The following RAMP1 variants were observed in gnomAD, a reference collection of about 807,000 sequenced individuals.
RAMP1 encodes receptor activity-modifying protein 1.
RAMP1 carries 7 observed loss-of-function variants against 8.2 expected under a neutral mutation model. The ratio of observed to expected loss-of-function variants is 0.85; its 90% CI spans 0.49 to 1.60. The LOEUF (loss-of-function observed/expected upper bound fraction) is 1.60. Ranked by LOEUF, RAMP1 falls within the 40% of genes most tolerant of loss-of-function variation. The pLI is 0.00. For synonymous variants in RAMP1, 92 were observed against 84.7 expected, an observed-to-expected ratio of 1.09 and a Z score of -0.47; for missense variants, 192 against 202.4, an observed-to-expected ratio of 0.95 and a Z score of 0.31.
rs199596807 is a variant in RAMP1, at chr2:237,897,777, T to G, written c.192-13751T>G. Among the ~76,000 whole-genome samples, 144 of 140,868 alleles carry G rather than the reference T, an allele frequency of 1.0e-3. 1 individual carries two copies. The highest frequency in any genetic ancestry group is 1.2e-3 in the Non-Finnish European group (80 of 64,122). 92.4% of individuals were successfully genotyped at this position (140,868 alleles called of 152,430 possible). ...TCTTTTTTTGTTTGTTTTGGTTTTTTGGGGGGGGGTTTTGTTTTTTGTTTG... is the reference window on the plus strand; with the variant it reads ...TCTTTTTTTGTTTGTTTTGGTTTTTGGGGGGGGGGTTTTGTTTTTTGTTTG... On this transcript the variant is annotated intron_variant, in intron 2 of 2. Coordinates refer to ENST00000254661, the MANE Select transcript of RAMP1 (RefSeq NM_005855.4).
chr2:237,902,342 G>A (rs2062608795), intron 2 of RAMP1, among the ~76,000 whole-genome samples: 2 of 148,794 alleles, frequency 1.3e-5, no homozygotes, highest in African/African-American at 4.9e-5. Context: ...GGGGGTGGAG[G>A]AGGGGCTGGG....
intron 2 of RAMP1, among the ~76,000 whole-genome samples, chr2:237,890,023 T>C (rs2062473530): frequency 6.6e-6 from 1 of 152,176 alleles, no homozygotes; most frequent in Non-Finnish European, 1.5e-5. Flanking sequence ...GCCGGCTGCG[T>C]CCCTCCTTCA....
upstream of RAMP1, chr2:237,859,587 G>T (rs2062110989): frequency 1.7e-5 from 17 of 1,000,118 alleles, no homozygotes; most frequent in South Asian, 3.8e-4. Context: ...TCCCGCCCCC[G>T]GCGCGTCTCC....
At chr2:237,908,639 T>C (rs189126643) in intron 2 of RAMP1, among the ~76,000 whole-genome samples, 84 of 152,254 alleles carry the variant, frequency 5.5e-4, no homozygotes, top group Non-Finnish European at 9.3e-4. Context: ...GGTTTCACCA[T>C]CTTGGCCAGG....
intron 1 of RAMP1, among the ~76,000 whole-genome samples, chr2:237,864,230 C>T (rs961098288): frequency 5.3e-5 from 8 of 152,176 alleles, no homozygotes; most frequent in Admixed American, 5.2e-4. Context: ...TCCCGGACCA[C>T]GTATCCCCAC....
rs1401962083 is a variant in RAMP1 at position 237,878,415 on chromosome 2, T to G, written c.191+1053T>G. 6.6e-6 allele frequency among the ~76,000 whole-genome samples: 1 copy of G among 152,250 alleles called. No homozygotes were observed. The highest frequency in any genetic ancestry group is 1.5e-5 in the Non-Finnish European group (1 of 68,046). ...GTCCAGACACACCCGGGCACAATTC[T>G]GTGGGGTTGAAGACCCCTAGTTGGA... On this transcript the variant is annotated intron_variant, in intron 2 of 2. Coordinates refer to ENST00000254661, the MANE Select transcript of RAMP1 (RefSeq NM_005855.4). The surrounding 1 kb of genome is among the most constrained non-coding windows in gnomAD (Gnocchi z 5.7).
chr2:237,879,254 G>T (rs533557873), intron 2 of RAMP1, among the ~76,000 whole-genome samples: 26 of 151,652 alleles, frequency 1.7e-4, no homozygotes, highest in Admixed American at 4.6e-4. Flanking sequence ...TGTGTAGATT[G>T]ATTGTGAACG....
Position 237,878,692 on chromosome 2 carries a change from C to T in RAMP1, c.191+1330C>T, listed in dbSNP as rs968734023. Among the ~76,000 whole-genome samples the T allele has an allele frequency of 3.3e-5, 5 of 152,262 alleles. No homozygotes were observed. Among genetic ancestry groups the T allele is most frequent in the Non-Finnish European group, 7.3e-5 (5 of 68,048 alleles). Reference sequence around the variant, plus strand: ...CCACTTCGTCCACCCCAGGGAACTCCCTCAGGCCCAGAGTCCGTGCTCAGT... The same window carrying T: ...CCACTTCGTCCACCCCAGGGAACTCTCTCAGGCCCAGAGTCCGTGCTCAGT... On this transcript the variant is annotated intron_variant, in intron 2 of 2. Transcript: ENST00000254661. This position sits in a 1 kb window ranked among gnomAD's most constrained non-coding sequence, Gnocchi z 5.7.
intron 2 of RAMP1, among the ~76,000 whole-genome samples, chr2:237,884,298 T>C (rs567641917): frequency 1.3e-5 from 2 of 152,288 alleles, no homozygotes; most frequent in East Asian, 3.9e-4. Flanking sequence ...CTTGGTTTGC[T>C]GATGGAGGCA....
In RAMP1 at chr2:237,911,816, G is replaced by A. The variant is rs2062719494; in HGVS notation, c.*33G>A. ...CCAGGCTGCCCGCGGGTGCACCCAG[G>A]CTGCAGGGTGAGGCCAGGCAGGCCT... is the stretch of plus-strand genomic sequence containing the variant. On this transcript the variant is annotated 3_prime_UTR_variant, in exon 3 of 3. Coordinates refer to ENST00000254661, the MANE Select transcript of RAMP1 (RefSeq NM_005855.4). 4 of 1,561,258 alleles carry A rather than the reference G, an allele frequency of 2.6e-6. No individual in the cohort carries two copies. The highest frequency in any genetic ancestry group is 3.5e-6 in the Non-Finnish European group (4 of 1,151,008).
At chr2:237,886,543 T>C (rs1272656407) in intron 2 of RAMP1, among the ~76,000 whole-genome samples, 2 of 151,792 alleles carry the variant, frequency 1.3e-5, no homozygotes, top group Admixed American at 6.6e-5. Flanking sequence ...AGCCCTCGTG[T>C]TGGGGGAGCT....
chr2:237,871,026 G>C (rs575691667), intron 1 of RAMP1, among the ~76,000 whole-genome samples: 6 of 152,336 alleles, frequency 3.9e-5, no homozygotes, highest in Admixed American at 2.0e-4. Flanking sequence ...GAATCTACTT[G>C]GTGGAGGCTT....
intron 2 of RAMP1, among the ~76,000 whole-genome samples, chr2:237,887,487 C>T (rs1334627415): frequency 6.6e-6 from 1 of 152,202 alleles, no homozygotes; most frequent in African/African-American, 2.4e-5. Context: ...AGCTTCTTGT[C>T]TCAATCAAAA....
chr2:237,884,955 G>A (rs2062412205), intron 2 of RAMP1, among the ~76,000 whole-genome samples: 1 of 152,212 alleles, frequency 6.6e-6, no homozygotes, highest in Non-Finnish European at 1.5e-5. Flanking sequence ...GTAGTTGGGG[G>A]ACGCAAGACA....
intron 2 of RAMP1, among the ~76,000 whole-genome samples, chr2:237,895,646 G>A (rs538210109): frequency 6.6e-5 from 10 of 152,258 alleles, no homozygotes; most frequent in South Asian, 2.1e-4. Flanking sequence ...CTGAAGGCTC[G>A]TGAAGCCCGG....
intron 1 of RAMP1, among the ~76,000 whole-genome samples, chr2:237,867,726 C>A (rs537432927): frequency 6.6e-6 from 1 of 152,174 alleles, no homozygotes; most frequent in Admixed American, 6.5e-5. Context: ...TGCAGCCTTT[C>A]GGCAGTCTCA....
At chr2:237,894,596 G>C (rs947960012) in intron 2 of RAMP1, among the ~76,000 whole-genome samples, 1 of 152,202 alleles carries the variant, frequency 6.6e-6, no homozygotes, top group African/African-American at 2.4e-5. Flanking sequence ...CCTGGCTAGG[G>C]GGTGAGACCC....
At chr2:237,880,046 A>G (rs1254268265) in intron 2 of RAMP1, among the ~76,000 whole-genome samples, 1 of 151,252 alleles carries the variant, frequency 6.6e-6, no homozygotes, top group Non-Finnish European at 1.5e-5. Flanking sequence ...GGAAAAGTCC[A>G]CATCACAACA....
intron 2 of RAMP1, among the ~76,000 whole-genome samples, chr2:237,898,752 C>G (rs955149918): frequency 6.6e-6 from 1 of 152,210 alleles, no homozygotes; most frequent in South Asian, 2.1e-4. Flanking sequence ...GCTTTCACAT[C>G]CCCAGGGCCC....
Sources: allele counts gnomAD v4.1 joint callset (sites outside exome capture counted in the v4.1 genomes callset), GRCh38; gene constraint gnomAD v4.1.1; non-coding constraint Gnocchi (gnomAD v3.1); transcripts MANE v1.5; gene names NCBI Gene and HGNC (gene_info 2026-07-23, HGNC 2026-07-21).